The following GTF2F2 variants were observed in gnomAD, a reference collection of about 807,000 sequenced individuals.
GTF2F2 encodes the protein ATP-dependent helicase GTF2F2.
A neutral mutation model predicts 42.2 loss-of-function variants in GTF2F2; 23 were observed. The ratio of observed to expected loss-of-function variants is 0.55; its 90% confidence interval spans 0.39 to 0.77. The LOEUF (loss-of-function observed/expected upper bound fraction) is 0.77. Among genes scored for constraint, GTF2F2 ranks in the 30% least tolerant of loss-of-function variants. The pLI is 0.00. For missense variants in GTF2F2, 261 were observed against 287.2 expected (o/e 0.91, Z 0.66); for synonymous variants, 105 against 100.8 (o/e 1.04, Z -0.25).
chr13:45,279,350 T>A (rs1877164619), intron 7 of GTF2F2, among the ~76,000 whole-genome samples: 1 of 152,232 alleles, frequency 6.6e-6, no homozygotes, highest in African/African-American at 2.4e-5. Context: ...AACAATATTT[T>A]AGCACTAAAA....
At chr13:45,169,709 C>T (rs115235386) in intron 4 of GTF2F2, among the ~76,000 whole-genome samples, 1,623 of 152,288 alleles carry the variant, frequency 0.011, 25 homozygotes, top group African/African-American at 0.033. Flanking sequence ...ACAAAGTGAA[C>T]ACATCCCTGT....
intron 5 of GTF2F2, chr13:45,219,368 G>A (rs1376431528): frequency 2.0e-5 from 3 of 152,162 alleles, no homozygotes; most frequent in Admixed American, 2.0e-4. Flanking sequence ...TAGGAAAAGA[G>A]AAAGGAGCAG....
intron 5 of GTF2F2, among the ~76,000 whole-genome samples, chr13:45,250,306 C>G (rs1202228962): frequency 1.3e-5 from 2 of 152,070 alleles, no homozygotes; most frequent in Non-Finnish European, 2.9e-5. Context: ...CTGCCTGCCT[C>G]CACCTCCCAA....
intron 7 of GTF2F2, among the ~76,000 whole-genome samples, chr13:45,281,779 GA>G (rs1452597070): frequency 6.6e-6 from 1 of 152,202 alleles, no homozygotes; most frequent in Non-Finnish European, 1.5e-5. Context: ...CAATCAATAA[GA>G]AAAATTACAT....
At chr13:45,213,110 G>T (rs990178656) in intron 5 of GTF2F2, among the ~76,000 whole-genome samples, 5 of 143,404 alleles carry the variant, frequency 3.5e-5, no homozygotes, top group Non-Finnish European at 1.5e-5. Context: ...ACAGAGTCTC[G>T]CTCTGTCGCC....
intron 5 of GTF2F2, among the ~76,000 whole-genome samples, chr13:45,230,717 T>A (rs1274126869): frequency 6.6e-6 from 1 of 152,244 alleles, no homozygotes; most frequent in Non-Finnish European, 1.5e-5. Context: ...CATGTAATTA[T>A]AACTTTACTT....
At chr13:45,159,546 C>T (rs1056315255) in intron 4 of GTF2F2, among the ~76,000 whole-genome samples, 1 of 152,188 alleles carries the variant, frequency 6.6e-6, no homozygotes, top group Admixed American at 6.5e-5. Context: ...TAGCAGAATA[C>T]ACCTGAGGTC....
rs143445921 is a variant in GTF2F2, at chr13:45,260,745, C to T, written c.487-6488C>T. 1.7e-3 allele frequency among the ~76,000 whole-genome samples: 266 copies of T among 152,268 alleles called. 1 individual carries two copies. Among genetic ancestry groups the T allele is most frequent in the African/African-American group, 6.1e-3 (253 of 41,546 alleles). On this transcript the variant is annotated intron_variant, in intron 6 of 7. Transcript: ENST00000340473. ...GCATTTTAGTCAAGAATAGGCTGGG[C>T]GTGGTGGTTCACACCTGTAATCCCA...
At chr13:45,175,243 C>A (rs1306131677) in intron 4 of GTF2F2, among the ~76,000 whole-genome samples, 2 of 152,226 alleles carry the variant, frequency 1.3e-5, no homozygotes, top group Non-Finnish European at 2.9e-5. Flanking sequence ...TACCTCTAGG[C>A]TCATACATGT....
intron 7 of GTF2F2, among the ~76,000 whole-genome samples, chr13:45,275,229 G>A (rs888230417): frequency 2.6e-5 from 4 of 152,112 alleles, no homozygotes; most frequent in African/African-American, 9.7e-5. Flanking sequence ...TCCTCAGTAT[G>A]AGAGATTGGC....
intron 4 of GTF2F2, among the ~76,000 whole-genome samples, chr13:45,169,768 T>G (rs1014913712): frequency 2.0e-5 from 3 of 152,230 alleles, no homozygotes; most frequent in African/African-American, 7.2e-5. Context: ...GCTTTGATTT[T>G]TGAATCCATG....
At chr13:45,222,807 A>G (rs190477494) in intron 5 of GTF2F2, among the ~76,000 whole-genome samples, 135 of 152,332 alleles carry the variant, frequency 8.9e-4, no homozygotes, top group African/African-American at 2.6e-3. Context: ...TGTAGTTTCA[A>G]AAAGATAAAT....
At position 45,165,806 on chromosome 13, in the gene GTF2F2, CTTT is replaced by C. The variant is rs5803286; in HGVS notation, c.304+13997_304+13999del. On this transcript the variant is annotated intron_variant, in intron 4 of 7. Transcript: ENST00000340473. The stretch of plus-strand genomic sequence containing the variant: ...CCATCCTTAAATTCTTCAGTACATT[CTTT>C]TTTTTTTTTTTTTTTTTTTTTGAGA... Among the ~76,000 whole-genome samples the C allele has an allele frequency of 9.1e-3, 805 of 88,872 alleles. 7 individuals are homozygous for C. Among genetic ancestry groups the C allele is most frequent in the African/African-American group, 0.03 (608 of 20,080 alleles). 58.3% of individuals were successfully genotyped at this position (88,872 alleles called of 152,430 possible).
At chr13:45,236,614 C>T (rs1268943899) in intron 5 of GTF2F2, among the ~76,000 whole-genome samples, 1 of 151,878 alleles carries the variant, frequency 6.6e-6, no homozygotes, top group Non-Finnish European at 1.5e-5. Context: ...CTAAGTGTTA[C>T]TGTTTAGTGT....
At chr13:45,221,186 C>G (rs1474350193) in intron 5 of GTF2F2, among the ~76,000 whole-genome samples, 3 of 152,050 alleles carry the variant, frequency 2.0e-5, no homozygotes, top group Non-Finnish European at 2.9e-5. Context: ...CCAGTCTTAC[C>G]CATTTTTTAC....
intron 5 of GTF2F2, among the ~76,000 whole-genome samples, chr13:45,241,846 G>A (rs966413180): frequency 4.6e-5 from 7 of 151,848 alleles, no homozygotes; most frequent in African/African-American, 1.7e-4. Flanking sequence ...CCTGTTCTGG[G>A]CCCTAGGCAT....
Position 45,143,316 on chromosome 13 carries a change from G to C in GTF2F2, c.141-6454G>C, listed in dbSNP as rs573861902. Among the ~76,000 whole-genome samples the C allele has an allele frequency of 4.6e-5, 7 of 152,312 alleles. No individual in the cohort carries two copies. In the South Asian group the frequency reaches 1.5e-3, roughly 32 times the overall value. On this transcript the variant is annotated intron_variant, in intron 2 of 7. Transcript: ENST00000340473. ...TTGGGTACAAAATGAAAACAACTAA[G>C]ATTTTAGAAAGGCAGTGTGGCATAC...
intron 1 of GTF2F2, among the ~76,000 whole-genome samples, chr13:45,133,730 A>G (rs1869478394): frequency 6.6e-6 from 1 of 152,164 alleles, no homozygotes; most frequent in Non-Finnish European, 1.5e-5. Context: ...TGAACCTGTT[A>G]CAATTTGATT....
At chr13:45,261,947 G>A (rs564629019) in intron 6 of GTF2F2, among the ~76,000 whole-genome samples, 1 of 152,104 alleles carries the variant, frequency 6.6e-6, no homozygotes, top group East Asian at 1.9e-4. Flanking sequence ...CTAACTATAA[G>A]TTATTAATAA....
Sources: allele counts gnomAD v4.1 joint callset (sites outside exome capture counted in the v4.1 genomes callset), GRCh38; gene constraint gnomAD v4.1.1; transcripts MANE v1.5; gene names NCBI Gene and HGNC (gene_info 2026-07-23, HGNC 2026-07-21).